The following SLC12A6 variants were observed in gnomAD, a reference collection of about 807,000 sequenced individuals.
SLC12A6 encodes K-Cl cotransporter 3.
SLC12A6 carries 66 observed loss-of-function variants against 135.3 expected under a neutral mutation model. The ratio of observed to expected loss-of-function variants is 0.49; its 90% CI spans 0.40 to 0.60. SLC12A6 has a LOEUF of 0.60. Ranked by LOEUF, SLC12A6 falls within the 20% of genes least tolerant of loss-of-function variation. The pLI, the probability that SLC12A6 is intolerant of heterozygous loss-of-function variation, is 0.00. For missense variants in SLC12A6, 1,058 were observed against 1,452.3 expected (o/e 0.73, Z 4.41); for synonymous variants, 513 against 508.8 (o/e 1.01, Z -0.11).
chr15:34,241,959 G>A (rs1891673222), intron 17 of SLC12A6, 143 bp downstream of exon 17: 1 of 682,858 alleles, frequency 1.5e-6, no homozygotes, highest in Admixed American at 2.2e-5. Context: ...GCATCATTAA[G>A]ATGGTTAAAG....
intron 2 of SLC12A6, among the ~76,000 whole-genome samples, chr15:34,294,284 G>T (rs1895734125): frequency 6.6e-6 from 1 of 151,990 alleles, no homozygotes; most frequent in Admixed American, 6.5e-5. Flanking sequence ...CCAGGCTGGA[G>T]TGCAGTGGTG....
chr15:34,263,051 C>A (rs1316445957), intron 3 of SLC12A6, among the ~76,000 whole-genome samples: 1 of 152,082 alleles, frequency 6.6e-6, no homozygotes, highest in African/African-American at 2.4e-5. Context: ...ATTACCCATA[C>A]CCCAATCCTC....
At chr15:34,300,282 T>C (rs1896150991) in intron 2 of SLC12A6, among the ~76,000 whole-genome samples, 1 of 152,158 alleles carries the variant, frequency 6.6e-6, no homozygotes, top group African/African-American at 2.4e-5. Context: ...CTCTGTGAAG[T>C]AGAAGGTTTA....
chr15:34,316,074 T>C (rs1272560246), intron 2 of SLC12A6, among the ~76,000 whole-genome samples: 1 of 151,758 alleles, frequency 6.6e-6, no homozygotes, highest in Non-Finnish European at 1.5e-5. Flanking sequence ...TTCACACTTC[T>C]ATTTTATCTC....
At chr15:34,243,706 G>A (rs1891799582) in intron 16 of SLC12A6, among the ~76,000 whole-genome samples, 1 of 152,120 alleles carries the variant, frequency 6.6e-6, no homozygotes, top group East Asian at 1.9e-4. Context: ...TGCAAGAGAA[G>A]GTTGTTTTAA....
rs570488711 is a variant in SLC12A6, at chr15:34,310,769, AGTGTGTGTGTGTGTGTGTGTGTGTGT to A, written c.271+25615_271+25640del. ...GGCTGGTGTTGAACTCCTGGGCTCAAGTGTGTGTGTGTGTGTGTGTGTGTGTGTGTGTGTGTGTGTGTGTGTGTGTC... is the reference window on the plus strand; with the variant it reads ...GGCTGGTGTTGAACTCCTGGGCTCAAGTGTGTGTGTGTGTGTGTGTGTGTC... On this transcript the variant is annotated intron_variant, in intron 2 of 25. Transcript: ENST00000354181. Among the ~76,000 whole-genome samples the A allele has an allele frequency of 3.2e-4, 8 of 25,368 alleles. 1 individual carries two copies. The South Asian group carries it at 8.0e-3, about 25-fold the overall frequency. 16.6% of individuals were successfully genotyped at this position (25,368 alleles called of 152,430 possible). A position where few individuals can be genotyped will look rare whatever the true frequency, so the allele number is the denominator to read the frequency against.
chr15:34,239,180 G>A lies in SLC12A6; in HGVS notation c.2437-20C>T, dbSNP rs563566720. ...TATGGTCTGAAAGAGACACAGGACC[G>A]CAACACTGAACTGGTTCACTCTGGA... On this transcript the variant is annotated intron_variant, in intron 19 of 25. Coordinates refer to ENST00000354181, the MANE Select transcript of SLC12A6 (RefSeq NM_001365088.1). 3.9e-6 allele frequency: 6 copies of A among 1,556,962 alleles called. No individual in the cohort carries two copies. Among genetic ancestry groups the A allele is most frequent in the South Asian group, 2.2e-5 (2 of 89,948 alleles).
At chr15:34,238,758 A>C in intron 20 of SLC12A6, 1 of 651,112 alleles carries the variant, frequency 1.5e-6, no homozygotes, top group Non-Finnish European at 2.7e-6. Flanking sequence ...CTAGCACAAG[A>C]CTTGACAGAA....
chr15:34,274,130 G>A (rs1894143495), intron 3 of SLC12A6, among the ~76,000 whole-genome samples: 1 of 152,072 alleles, frequency 6.6e-6, no homozygotes, highest in Non-Finnish European at 1.5e-5. Flanking sequence ...GTAGGAAACT[G>A]GCTGAATAAA....
At chr15:34,334,378 G>A (rs1445592017) in intron 2 of SLC12A6, among the ~76,000 whole-genome samples, 1 of 152,178 alleles carries the variant, frequency 6.6e-6, no homozygotes, top group East Asian at 1.9e-4. Flanking sequence ...CTAGAGGGAA[G>A]TGTATATTAA....
intron 8 of SLC12A6, 31 bp from the exon 9 acceptor site, chr15:34,254,620 G>A (rs778731528): frequency 1.9e-6 from 3 of 1,544,480 alleles, no homozygotes; most frequent in Non-Finnish European, 1.8e-6. Flanking sequence ...AGAAAATTAG[G>A]TTATTTCAAA....
At position 34,337,538 on chromosome 15, in the gene SLC12A6, T is replaced by C. The variant is rs553478028; in HGVS notation, c.-279A>G. 6.6e-6 allele frequency: 1 copy of C among 152,392 alleles called. No homozygotes were observed. Among genetic ancestry groups the C allele is most frequent in the East Asian group, 1.9e-4 (1 of 5,176 alleles). The allele number at this position is 152,392 out of a possible 1,614,324, so 9.4% of individuals were successfully genotyped here. ...GTCCACTGAGCCACGGTCCGCTCGCTAGGTTTCTCCTGCGTGTGACAGGAC... is the reference window on the plus strand; with the variant it reads ...GTCCACTGAGCCACGGTCCGCTCGCCAGGTTTCTCCTGCGTGTGACAGGAC... On this transcript the variant is annotated 5_prime_UTR_variant, in exon 1 of 26. Coordinates refer to ENST00000354181, the MANE Select transcript of SLC12A6 (RefSeq NM_001365088.1).
intron 2 of SLC12A6, among the ~76,000 whole-genome samples, chr15:34,289,465 C>T (rs912120789): frequency 1.1e-4 from 17 of 152,094 alleles, no homozygotes; most frequent in African/African-American, 3.9e-4. Context: ...GTCTGTCAGA[C>T]TTTGGTATCA....
intron 2 of SLC12A6, among the ~76,000 whole-genome samples, chr15:34,322,784 C>T (rs753852160): frequency 4.0e-5 from 6 of 151,480 alleles, no homozygotes; most frequent in Admixed American, 1.3e-4. Context: ...TTGAGACCAG[C>T]CCAGCCAACA....
chr15:34,261,666 TA>T (rs1353759635), intron 3 of SLC12A6, among the ~76,000 whole-genome samples: 1 of 152,204 alleles, frequency 6.6e-6, no homozygotes, highest in African/African-American at 2.4e-5. Context: ...ACTCAGGGTA[TA>T]ATACTGTGTT....
At chr15:34,256,157 C>T in intron 7 of SLC12A6, 72 bp downstream of exon 7, 1 of 946,340 alleles carries the variant, frequency 1.1e-6, no homozygotes, top group Non-Finnish European at 1.7e-6. Context: ...CAGAAGTTTG[C>T]ACCTCTAGCT....
rs939210702 is a variant in SLC12A6 at position 34,270,766 on chromosome 15, G to A, written c.316+4579C>T. 2.0e-5 allele frequency among the ~76,000 whole-genome samples: 3 copies of A among 151,016 alleles called. No homozygotes were observed. In the Admixed American group the frequency reaches 2.0e-4, roughly 10 times the overall value. ...TGCAGTAAGCCGAGATCATGCCACT[G>A]TACTCCAGCCTGGGTGACAGAGCAA... On this transcript the variant is annotated intron_variant, in intron 3 of 25. Coordinates refer to ENST00000354181, the MANE Select transcript of SLC12A6 (RefSeq NM_001365088.1).
chr15:34,258,207 G>T (rs1892884019), intron 5 of SLC12A6, among the ~76,000 whole-genome samples: 1 of 152,164 alleles, frequency 6.6e-6, no homozygotes, highest in Non-Finnish European at 1.5e-5. Context: ...GCAAAATGAA[G>T]ATCTGAGGGC....
chr15:34,290,439 G>A (rs985795589), intron 2 of SLC12A6, among the ~76,000 whole-genome samples: 42 of 152,298 alleles, frequency 2.8e-4, no homozygotes, highest in African/African-American at 9.9e-4. Flanking sequence ...GTGGTGCTGA[G>A]AAGAATGTAT....
Sources: allele counts gnomAD v4.1 joint callset (sites outside exome capture counted in the v4.1 genomes callset), GRCh38; gene constraint gnomAD v4.1.1; transcripts MANE v1.5; gene names NCBI Gene and HGNC (gene_info 2026-07-23, HGNC 2026-07-21).